Variants in KDM2B observed in about 807,000 individuals in gnomAD.
The protein encoded by KDM2B is lysine-specific demethylase 2B.
KDM2B carries 26 observed loss-of-function variants against 150.0 expected under a neutral mutation model. That is an observed-to-expected ratio of 0.17 (90% CI 0.13 to 0.24). The LOEUF (loss-of-function observed/expected upper bound fraction) is 0.24, where lower values mean the gene tolerates loss of function less well. Ranked by LOEUF, KDM2B falls within the 10% of genes least tolerant of loss-of-function variation. The pLI is 1.00. For missense variants in KDM2B, 1,265 were observed against 1,816.9 expected (o/e 0.70, Z 5.52); for synonymous variants, 734 against 729.5 (o/e 1.01, Z -0.10).
At chr12:121,580,471 G>T in intron 1 of KDM2B, 5 of 1,165,706 alleles carry the variant, frequency 4.3e-6, no homozygotes, top group Non-Finnish European at 5.3e-6. Context: ...TCACGAGTGC[G>T]CCTCTGCACG....
At chr12:121,424,351 T>G (rs1030656797), downstream of KDM2B, 5 of 152,650 alleles carry the variant, frequency 3.3e-5, no homozygotes, top group African/African-American at 1.2e-4. Flanking sequence ...TTAAAAGCTT[T>G]TGTTTACATT....
chr12:121,570,632 G>A (rs1226854082), intron 4 of KDM2B, among the ~76,000 whole-genome samples: 2 of 152,184 alleles, frequency 1.3e-5, no homozygotes, highest in Middle Eastern at 3.2e-3. Context: ...TCACTGCATA[G>A]CCACTAGCAT....
Position 121,442,244 on chromosome 12 carries a change from T to A in KDM2B, c.3197A>T (p.His1066Leu). The change falls in exon 19 of 23, where the codon CAC (histidine) becomes CTC (leucine). Residue 1066 changes from histidine (H) to leucine (L), a missense_variant. Physicochemically the swap from His to Leu is moderately conservative, Grantham distance 99 (BLOSUM62 -3). Around this residue, in one of 11 missense-constraint regions of KDM2B, gnomAD observed 251 missense variants for 397.8 expected, o/e 0.63. Transcript: ENST00000377071. This position sits in a 1 kb window ranked among gnomAD's most constrained non-coding sequence, Gnocchi z 7.7. ...GAAGACGGCCATCCACACCTCCCTG[T>A]GCATGACGTGGGCTGCCCCATCGTC... ...PLDDGAAHVM[H>L]REVWMAVFSY... The A allele has an allele frequency of 6.2e-7, 1 of 1,613,238 alleles. No individual in the cohort carries two copies. The highest frequency in any genetic ancestry group is 8.5e-7 in the Non-Finnish European group (1 of 1,179,912).
intron 11 of KDM2B, among the ~76,000 whole-genome samples, chr12:121,508,439 T>C (rs1555303296): frequency 1.3e-5 from 2 of 152,174 alleles, no homozygotes; most frequent in Non-Finnish European, 2.9e-5. Flanking sequence ...CAAGGTTTCC[T>C]AAGTAAATAC....
chr12:121,445,749 G>C (rs1382715051), intron 13 of KDM2B, among the ~76,000 whole-genome samples: 1 of 152,200 alleles, frequency 6.6e-6, no homozygotes, highest in Non-Finnish European at 1.5e-5. Flanking sequence ...TAGAGGGCTG[G>C]AGTGAGGGGC....
rs1378958594 is a variant in KDM2B, at chr12:121,429,371, G to C, written c.*917C>G. ...GGAGAGAAGCAAAAGCAAAAGAAAG[G>C]CTATGTGGGAGCATTTATTCTACGT... is the stretch of plus-strand genomic sequence containing the variant. On this transcript the variant is annotated 3_prime_UTR_variant, in exon 23 of 23. Transcript: ENST00000377071. The C allele has an allele frequency of 6.5e-6, 1 of 152,690 alleles. No homozygotes were observed. Among genetic ancestry groups the C allele is most frequent in the Non-Finnish European group, 1.5e-5 (1 of 68,112 alleles). The allele number at this position is 152,690 out of a possible 1,614,324, so 9.5% of individuals were successfully genotyped here.
rs1555295055 is a variant in KDM2B at position 121,467,295 on chromosome 12, C to T, written c.1735-13951G>A. The T allele has an allele frequency of 4.1e-6, 4 of 983,850 alleles. No individual in the cohort carries two copies. The highest frequency in any genetic ancestry group is 1.3e-4 in the Admixed American group (2 of 15,968). 60.9% of individuals were successfully genotyped at this position (983,850 alleles called of 1,614,324 possible). On this transcript the variant is annotated intron_variant, in intron 12 of 22. Coordinates refer to ENST00000377071, the MANE Select transcript of KDM2B (RefSeq NM_032590.5). The surrounding 1 kb of genome is among the most constrained non-coding windows in gnomAD (Gnocchi z 5.1). ...CCGCCCGCCCGGAGCAGGCTCGGCT[C>T]GCCCTGGCTCGGGCTCGGGCTCGGG...
At chr12:121,464,567 C>T (rs1049324352) in intron 12 of KDM2B, among the ~76,000 whole-genome samples, 1 of 152,216 alleles carries the variant, frequency 6.6e-6, no homozygotes, top group East Asian at 1.9e-4. Flanking sequence ...AGTACACAGG[C>T]TCGGAAGGTG....
In KDM2B at chr12:121,476,023, G is replaced by A. The variant is rs145218455; in HGVS notation, c.1734+18556C>T. Reference sequence around the variant, plus strand: ...CAAAAAAAAAAAAAATGCCCGGCACGGTGGCTCACGCTTGTAATCCCAGCA... The same window carrying A: ...CAAAAAAAAAAAAAATGCCCGGCACAGTGGCTCACGCTTGTAATCCCAGCA... On this transcript the variant is annotated intron_variant, in intron 12 of 22. Transcript: ENST00000377071. Among the ~76,000 whole-genome samples the A allele has an allele frequency of 3.8e-3, 576 of 151,786 alleles. 23 individuals are homozygous for A. The East Asian group carries it at 0.08, about 21-fold the overall frequency.
intron 6 of KDM2B, among the ~76,000 whole-genome samples, chr12:121,536,808 G>A (rs1888149847): frequency 6.6e-6 from 1 of 152,138 alleles, no homozygotes; most frequent in African/African-American, 2.4e-5. Flanking sequence ...GAAGCCCGCG[G>A]GTACCCACAG....
chr12:121,485,533 A>G (rs575295017), intron 12 of KDM2B, among the ~76,000 whole-genome samples: 7 of 152,172 alleles, frequency 4.6e-5, no homozygotes, highest in East Asian at 1.9e-4. Flanking sequence ...ACCTTCAGCA[A>G]TAGCCTCCTT....
chr12:121,441,861 G>A (rs1330495659), intron 19 of KDM2B, among the ~76,000 whole-genome samples: 2 of 152,160 alleles, frequency 1.3e-5, no homozygotes, highest in Admixed American at 6.5e-5. Context: ...GGTAAATATC[G>A]GCTGGACTGA....
intron 4 of KDM2B, among the ~76,000 whole-genome samples, chr12:121,559,497 A>G (rs1391762804): frequency 6.6e-6 from 1 of 152,206 alleles, no homozygotes; most frequent in Admixed American, 6.5e-5. Context: ...GGGCAGCAGG[A>G]AACACAGACG....
rs1872739762 is a variant in KDM2B at position 121,429,879 on chromosome 12, C to T, written c.*409G>A. On this transcript the variant is annotated 3_prime_UTR_variant, in exon 23 of 23. Transcript: ENST00000377071. ...ACAAAAAAAAGTGTCAAGACGGCAG[C>T]AGATGTGGTGTGTGGTCCACTTTAT... 4 of 576,836 alleles carry T rather than the reference C, an allele frequency of 6.9e-6. No individual in the cohort carries two copies. Among genetic ancestry groups the T allele is most frequent in the South Asian group, 2.4e-5 (1 of 41,870 alleles). The allele number at this position is 576,836 out of a possible 1,614,324, so 35.7% of individuals were successfully genotyped here.
intron 12 of KDM2B, among the ~76,000 whole-genome samples, chr12:121,460,622 G>A (rs781798045): frequency 3.9e-5 from 6 of 152,060 alleles, no homozygotes; most frequent in Non-Finnish European, 8.8e-5. Context: ...CACACAGGCT[G>A]GTCTCGATCT....
chr12:121,568,866 T>TTA (rs1890894696), intron 4 of KDM2B, among the ~76,000 whole-genome samples: 3 of 139,942 alleles, frequency 2.1e-5, no homozygotes, highest in African/African-American at 7.9e-5. Flanking sequence ...GCTTTTTTGT[T>TTA]AAAAAAAAAA....
At chr12:121,443,628 C>T (rs1321458291) in intron 17 of KDM2B, 52 bp downstream of exon 17, 7 of 1,104,338 alleles carry the variant, frequency 6.3e-6, no homozygotes, top group Admixed American at 1.7e-5. Flanking sequence ...GGGGGACAGC[C>T]CAGGACTCGC....
chr12:121,436,336 A>G (rs1393339559), intron 22 of KDM2B, among the ~76,000 whole-genome samples: 3 of 152,140 alleles, frequency 2.0e-5, no homozygotes, highest in South Asian at 2.1e-4. Flanking sequence ...CCTGGCTAAC[A>G]CGGTGAAACC....
At chr12:121,469,499 C>T (rs1286827328) in intron 12 of KDM2B, 1 of 151,690 alleles carries the variant, frequency 6.6e-6, no homozygotes. Context: ...CACCTGTAAT[C>T]CCAGCTACGT....
Sources: gnomAD v4.1 joint callset for allele counts (sites outside exome capture counted in the v4.1 genomes callset) on GRCh38, gnomAD v4.1.1 for gene constraint, gnomAD v4.1.1 regional missense constraint, Gnocchi (gnomAD v3.1) non-coding constraint, MANE v1.5 for transcripts, NCBI Gene and HGNC (gene_info 2026-07-23, HGNC 2026-07-21) for gene names.